Variants in TANGO6 observed in about 807,000 individuals in gnomAD.
The protein encoded by TANGO6 is transport and golgi organization 6 homolog, also known as transport and Golgi organization protein 6 homolog.
A neutral mutation model predicts 114.2 loss-of-function variants in TANGO6; 90 were observed. The ratio of observed to expected loss-of-function variants is 0.79; its 90% CI spans 0.66 to 0.94. The LOEUF (loss-of-function observed/expected upper bound fraction) is 0.94. TANGO6 is among the 40% of genes least tolerant of loss of function. The probability of loss-of-function intolerance (pLI) is 0.00; values close to 1 mark genes in which losing one functional copy is unlikely to be tolerated. For missense variants in TANGO6, 1,274 were observed against 1,315.3 expected (o/e 0.97, Z 0.49); for synonymous variants, 477 against 509.8 (o/e 0.94, Z 0.87).
intron 14 of TANGO6, among the ~76,000 whole-genome samples, chr16:68,935,026 T>C (rs1327069662): frequency 6.6e-6 from 1 of 152,230 alleles, no homozygotes; most frequent in Non-Finnish European, 1.5e-5. Context: ...AAGTTTGGAC[T>C]AATTGATGTT....
intron 11 of TANGO6, among the ~76,000 whole-genome samples, chr16:68,913,772 C>G (rs1962961335): frequency 6.6e-6 from 1 of 151,858 alleles, no homozygotes; most frequent in Non-Finnish European, 1.5e-5. Flanking sequence ...ACTGCAGAAC[C>G]CTGGATGGAC....
chr16:68,972,917 G>A (rs992104747), intron 14 of TANGO6: 4 of 277,596 alleles, frequency 1.4e-5, no homozygotes, highest in Admixed American at 9.3e-5. Context: ...AAGTGAGGCC[G>A]ACTCCTCCGA....
intron 17 of TANGO6, among the ~76,000 whole-genome samples, chr16:69,061,644 C>A (rs1379129581): frequency 6.6e-6 from 1 of 152,198 alleles, no homozygotes; most frequent in East Asian, 1.9e-4. Context: ...TTCATCCCCT[C>A]TGGGCAGAGG....
chr16:68,878,262 C>T lies in TANGO6; in HGVS notation c.1276C>T (p.Arg426Ter), dbSNP rs747723316. Residue 426 changes from arginine to a stop codon, truncating the protein, a stop_gained, in exon 6 of 18, where the codon CGA becomes TGA. Coordinates refer to ENST00000261778, the MANE Select transcript of TANGO6 (RefSeq NM_024562.2). LOFTEE classifies it high-confidence loss of function. ...CCAGCCAGTGTTAGCTCCTCTTCATCGATGTTTGAATACAGCAGGTAAAGG... is the reference window on the plus strand; with the variant it reads ...CCAGCCAGTGTTAGCTCCTCTTCATTGATGTTTGAATACAGCAGGTAAAGG... ...LLQPVLAPLH[R>*]CLNTAELSES... The T allele has an allele frequency of 1.1e-5, 17 of 1,607,748 alleles. No individual in the cohort carries two copies. Among genetic ancestry groups the T allele is most frequent in the African/African-American group, 9.4e-5 (7 of 74,676 alleles).
chr16:68,874,489 A>G (rs1962326030), intron 4 of TANGO6, among the ~76,000 whole-genome samples: 1 of 152,160 alleles, frequency 6.6e-6, no homozygotes, highest in Admixed American at 6.6e-5. Context: ...GGTCCCTGTC[A>G]CTCTACGGCT....
intron 14 of TANGO6, among the ~76,000 whole-genome samples, chr16:68,951,703 T>TCCCGGTTCACACCATTCTCCTGCCTC (rs1205683301): frequency 4.4e-4 from 67 of 151,762 alleles, no homozygotes; most frequent in Middle Eastern, 6.8e-3. Context: ...AGCTCTGCCT[T>TCCCGGTTCACACCATTCTCCTGCCTC]CCCGGTTCAC....
intron 14 of TANGO6, among the ~76,000 whole-genome samples, chr16:68,934,184 A>G (rs1292423742): frequency 6.6e-6 from 1 of 151,948 alleles, no homozygotes. Context: ...CTGGGACTAC[A>G]GATGCATGCC....
At chr16:68,935,603 T>G (rs1641511403) in intron 14 of TANGO6, among the ~76,000 whole-genome samples, 1 of 152,198 alleles carries the variant, frequency 6.6e-6, no homozygotes, top group Admixed American at 6.5e-5. Flanking sequence ...TTCTAGCAGC[T>G]TCTCCCAGGT....
Position 68,860,165 on chromosome 16 carries a change from C to G in TANGO6, c.376C>G (p.Pro126Ala). ...FNPGKPNPRT[P>A]EVAPALSPDA... ...TCCAGGTAAACCCAACCCTAGGACT[C>G]CGGAAGTTGCTCCTGCCCTGAGCCC... Residue 126 changes from proline (P) to alanine (A), a missense_variant, in exon 2 of 18, where the codon CCG becomes GCG. Physicochemically the swap from Pro to Ala is conservative, Grantham distance 27 (BLOSUM62 -1). Around this residue, in one of 5 missense-constraint regions of TANGO6, gnomAD observed 908 missense variants for 910.2 expected, o/e 1.00. Coordinates refer to ENST00000261778, the MANE Select transcript of TANGO6 (RefSeq NM_024562.2). The G allele has an allele frequency of 1.9e-6, 3 of 1,614,010 alleles. No homozygotes were observed. The highest frequency in any genetic ancestry group is 2.5e-6 in the Non-Finnish European group (3 of 1,179,892).
At chr16:69,019,324 A>G (rs1370667612) in intron 15 of TANGO6, among the ~76,000 whole-genome samples, 1 of 152,190 alleles carries the variant, frequency 6.6e-6, no homozygotes, top group South Asian at 2.1e-4. Flanking sequence ...TATTCTGAAA[A>G]TAGGTTATGT....
chr16:69,021,863 T>C (rs1378466315), intron 15 of TANGO6, among the ~76,000 whole-genome samples: 2 of 151,676 alleles, frequency 1.3e-5, no homozygotes, highest in South Asian at 2.1e-4. Context: ...ACATTTTTTG[T>C]ATGTATATGT....
intron 7 of TANGO6, among the ~76,000 whole-genome samples, chr16:68,894,459 A>T (rs1962676328): frequency 6.6e-6 from 1 of 151,936 alleles, no homozygotes; most frequent in South Asian, 2.1e-4. Flanking sequence ...AATAGAAGGG[A>T]GCTGTATAAG....
At chr16:68,926,410 C>T (rs189377612) in intron 12 of TANGO6, among the ~76,000 whole-genome samples, 299 of 151,046 alleles carry the variant, frequency 2.0e-3, no homozygotes, top group Middle Eastern at 0.014. Flanking sequence ...AGGAGAATGG[C>T]GTGAACCCGG....
chr16:68,894,710 A>G, intron 7 of TANGO6, among the ~76,000 whole-genome samples: 1 of 151,920 alleles, frequency 6.6e-6, no homozygotes, highest in East Asian at 1.9e-4. Flanking sequence ...GTGTTTGGGG[A>G]TTTTTAATAT....
chr16:68,847,282 A>G (rs535319801), intron 1 of TANGO6, among the ~76,000 whole-genome samples: 3 of 152,326 alleles, frequency 2.0e-5, no homozygotes, highest in East Asian at 3.9e-4. Flanking sequence ...TAAAAGGCAC[A>G]TCATGACCTA....
Position 68,900,489 on chromosome 16 carries a change from T to C in TANGO6, c.1433T>C (p.Val478Ala), listed in dbSNP as rs527792613. The change falls in exon 8 of 18, where the codon GTC becomes GCC. Residue 478 changes from valine (V) to alanine (A), a missense_variant. By Grantham distance (64) the Val-to-Ala change is moderately conservative. Around this residue, in one of 5 missense-constraint regions of TANGO6, gnomAD observed 908 missense variants for 910.2 expected, o/e 1.00. Transcript: ENST00000261778. ...LTVLMDSLLPVLGVLFLLYCF... is the reference protein window; with the variant it reads ...LTVLMDSLLPALGVLFLLYCF... The stretch of plus-strand genomic sequence containing the variant: ...GTTTTGATGGATTCCCTGCTTCCAG[T>C]CCTGGGAGTGCTTTTTCTTCTCTAC... 9.3e-6 allele frequency: 15 copies of C among 1,613,930 alleles called. No individual in the cohort carries two copies. In the Admixed American group the frequency reaches 2.2e-4, roughly 23 times the overall value.
intron 4 of TANGO6, among the ~76,000 whole-genome samples, chr16:68,868,925 A>G (rs1962223455): frequency 6.6e-6 from 1 of 152,010 alleles, no homozygotes; most frequent in South Asian, 2.1e-4. Flanking sequence ...CCCCAAGTAC[A>G]TTTTTATTTT....
rs1960502567 is a variant in TANGO6 at position 69,083,846 on chromosome 16, C to T, written c.*185C>T. 3.4e-6 allele frequency: 2 copies of T among 589,258 alleles called. No homozygotes were observed. The highest frequency in any genetic ancestry group is 2.2e-5 in the South Asian group (1 of 45,072). 36.5% of individuals were successfully genotyped at this position (589,258 alleles called of 1,614,324 possible). A position where few individuals can be genotyped will look rare whatever the true frequency, so the allele number is the denominator to read the frequency against. On this transcript the variant is annotated 3_prime_UTR_variant, in exon 18 of 18. Coordinates refer to ENST00000261778, the MANE Select transcript of TANGO6 (RefSeq NM_024562.2). The stretch of plus-strand genomic sequence containing the variant: ...TCCGAGGGCATGTGTTCAGCACTCC[C>T]GCGTTCAGCCTGAGGGGTGTACAGT...
chr16:68,925,795 C>T (rs1963158801), intron 12 of TANGO6, among the ~76,000 whole-genome samples: 1 of 151,344 alleles, frequency 6.6e-6, no homozygotes, highest in African/African-American at 2.4e-5. Flanking sequence ...GTGCAAGGTG[C>T]AAGGTCTGTG....
Sources: gnomAD v4.1 joint callset for allele counts (sites outside exome capture counted in the v4.1 genomes callset) on GRCh38, gnomAD v4.1.1 for gene constraint, gnomAD v4.1.1 regional missense constraint, MANE v1.5 for transcripts, NCBI Gene and HGNC (gene_info 2026-07-23, HGNC 2026-07-21) for gene names.